FIG4: variants seen among roughly 807,000 people sequenced by gnomAD.
The protein encoded by FIG4 is FIG4 phosphoinositide 5-phosphatase.
A neutral mutation model predicts 118.6 loss-of-function variants in FIG4; 112 were observed. The ratio of observed to expected loss-of-function variants is 0.94; its 90% CI spans 0.81 to 1.11. The LOEUF (loss-of-function observed/expected upper bound fraction) is 1.11, where lower values mean the gene tolerates loss of function less well. Ranked by LOEUF, FIG4 falls within the 50% of genes least tolerant of loss-of-function variation. FIG4 has a pLI of 0.00. For synonymous variants in FIG4, 369 were observed against 381.2 expected, an observed-to-expected ratio of 0.97 and a Z score of 0.37; for missense variants, 969 against 1,111.7, an observed-to-expected ratio of 0.87 and a Z score of 1.83.
At chr6:109,703,905 G>A (rs949528718) in intron 1 of FIG4, among the ~76,000 whole-genome samples, 4 of 152,052 alleles carry the variant, frequency 2.6e-5, no homozygotes, top group African/African-American at 7.2e-5. Context: ...TTCCTTCTCC[G>A]TATCCAGCCT....
At position 109,777,020 on chromosome 6, in the gene FIG4, C is replaced by T. The variant is rs1777640978; in HGVS notation, c.1849C>T (p.His617Tyr). ...GGAGCTCCCAACAGATTTTTATTTG[C>T]ATCACAAAAATACCATGAGACTTTT... ...LWELPTDFYL[H>Y]HKNTMRLLPT... Residue 617 changes from histidine (H) to tyrosine (Y), a missense_variant, in exon 16 of 23, where the codon CAT becomes TAT. By Grantham distance (83) the His-to-Tyr change is moderately conservative. Transcript: ENST00000230124. The T allele has an allele frequency of 6.2e-7, 1 of 1,613,574 alleles. No homozygotes were observed. Among genetic ancestry groups the T allele is most frequent in the Admixed American group, 1.7e-5 (1 of 59,978 alleles).
chr6:109,793,457 C>T (rs17070969), intron 21 of FIG4, among the ~76,000 whole-genome samples: 8,709 of 152,186 alleles, frequency 0.057, 834 homozygotes, highest in African/African-American at 0.2. Context: ...TGCATAATTT[C>T]GTGTGTATGT....
intron 16 of FIG4, among the ~76,000 whole-genome samples, chr6:109,778,659 C>T (rs952104950): frequency 1.3e-5 from 2 of 151,890 alleles, no homozygotes; most frequent in South Asian, 2.1e-4. Flanking sequence ...AGTGCAGTGG[C>T]GCGATCTCAG....
intron 22 of FIG4, among the ~76,000 whole-genome samples, chr6:109,813,539 G>A (rs1423316491): frequency 6.6e-6 from 1 of 152,154 alleles, no homozygotes; most frequent in Non-Finnish European, 1.5e-5. Flanking sequence ...GTTGAAGAAT[G>A]CAGGCCAGTT....
At chr6:109,805,011 G>T (rs1328946501) in intron 22 of FIG4, among the ~76,000 whole-genome samples, 1 of 152,180 alleles carries the variant, frequency 6.6e-6, no homozygotes, top group Admixed American at 6.5e-5. Context: ...GAGATGCAAG[G>T]TTTAACAAAT....
At chr6:109,692,119 A>T (rs1277466615) in intron 1 of FIG4, among the ~76,000 whole-genome samples, 1 of 152,204 alleles carries the variant, frequency 6.6e-6, no homozygotes, top group Non-Finnish European at 1.5e-5. Context: ...TTGAATGGCC[A>T]TGTAAATAGT....
intron 5 of FIG4, among the ~76,000 whole-genome samples, chr6:109,732,989 C>T (rs2128385266): frequency 6.6e-6 from 1 of 152,082 alleles, no homozygotes; most frequent in East Asian, 1.9e-4. Context: ...ATGAAATTTA[C>T]ATTCAGCCTG....
Position 109,765,069 on chromosome 6 carries a change from G to C in FIG4, c.1491G>C (p.Gln497His). ...VDCLDRTNTA[Q>H]FMVGKCALAY... The stretch of plus-strand genomic sequence containing the variant: ...GTTTAGATCGCACCAACACAGCACA[G>C]TTTATGGTGGGAAAATGTGCTCTGG... The change falls in exon 14 of 23, where the codon CAG (glutamine) becomes CAC (histidine). Residue 497 changes from glutamine to histidine, a missense_variant. By Grantham distance (24) the Gln-to-His change is conservative (BLOSUM62 0). This residue lies in a region of FIG4 where 246 missense variants were observed against 354.3 expected (regional missense o/e 0.69). Coordinates refer to ENST00000230124, the MANE Select transcript of FIG4 (RefSeq NM_014845.6). The C allele has an allele frequency of 6.2e-7, 1 of 1,613,448 alleles. No individual in the cohort carries two copies. The highest frequency in any genetic ancestry group is 8.5e-7 in the Non-Finnish European group (1 of 1,179,398).
intron 21 of FIG4, among the ~76,000 whole-genome samples, chr6:109,794,043 A>T (rs1778210430): frequency 6.6e-6 from 1 of 152,162 alleles, no homozygotes; most frequent in South Asian, 2.1e-4. Flanking sequence ...GAGTAATATG[A>T]CTTTGTTTAT....
intron 10 of FIG4, among the ~76,000 whole-genome samples, chr6:109,746,373 A>C (rs1776498243): frequency 6.6e-6 from 1 of 152,152 alleles, no homozygotes; most frequent in African/African-American, 2.4e-5. Flanking sequence ...ATGGTGCAAC[A>C]AGAGTTTATA....
At chr6:109,703,173 G>A (rs1774956872) in intron 1 of FIG4, among the ~76,000 whole-genome samples, 2 of 151,972 alleles carry the variant, frequency 1.3e-5, no homozygotes, top group African/African-American at 4.8e-5. Context: ...AATAAATACT[G>A]AATTAAGGAT....
At chr6:109,791,349 T>G in intron 19 of FIG4, 27 bp from the exon 20 acceptor site, 1 of 1,595,586 alleles carries the variant, frequency 6.3e-7, no homozygotes. Flanking sequence ...TTAAAGATGC[T>G]TCACTTCCAT....
chr6:109,786,581 C>T, intron 18 of FIG4, 132 bp downstream of exon 18: 1 of 914,212 alleles, frequency 1.1e-6, no homozygotes, highest in Non-Finnish European at 1.8e-6. Flanking sequence ...CCTTTGAATA[C>T]CTCCTGTGAT....
chr6:109,766,111 G>A (rs1196847177), intron 14 of FIG4, among the ~76,000 whole-genome samples: 1 of 152,192 alleles, frequency 6.6e-6, no homozygotes, highest in East Asian at 1.9e-4. Context: ...GAGAGGAACC[G>A]TCATGACTGG....
chr6:109,817,690 C>G (rs1451721773), intron 22 of FIG4, among the ~76,000 whole-genome samples: 9 of 152,240 alleles, frequency 5.9e-5, no homozygotes, highest in South Asian at 2.1e-4. Context: ...GGCAGACTGT[C>G]CTTTCTCTCT....
At chr6:109,717,800 T>C (rs1775479756) in intron 3 of FIG4, among the ~76,000 whole-genome samples, 1 of 152,208 alleles carries the variant, frequency 6.6e-6, no homozygotes, top group Non-Finnish European at 1.5e-5. Flanking sequence ...TGCTTTGGGC[T>C]TTGAAAGCCA....
At chr6:109,786,260 A>C in intron 17 of FIG4, 42 bp from the exon 18 acceptor site, 1 of 1,568,094 alleles carries the variant, frequency 6.4e-7, no homozygotes, top group Non-Finnish European at 8.8e-7. Context: ...TTTGCTTGCT[A>C]TAATCTCAGA....
In FIG4 at chr6:109,715,193, C is replaced by G. The variant is rs1390100492; in HGVS notation, c.165+17C>G. 1.4e-6 allele frequency: 2 copies of G among 1,384,938 alleles called. No homozygotes were observed. Among genetic ancestry groups the G allele is most frequent in the Admixed American group, 1.7e-5 (1 of 59,580 alleles). 85.8% of individuals were successfully genotyped at this position (1,384,938 alleles called of 1,614,324 possible). On this transcript the variant is annotated intron_variant, in intron 2 of 22. Transcript: ENST00000230124. ...GATGACAGGGTAAGTATCCTCCAAA[C>G]CTGACTGCAAAAAAACTTTCATACC...
At chr6:109,753,352 A>G (rs2128389268) in intron 10 of FIG4, among the ~76,000 whole-genome samples, 1 of 151,960 alleles carries the variant, frequency 6.6e-6, no homozygotes, top group Admixed American at 6.6e-5. Flanking sequence ...GTAGCCTTGT[A>G]GTATAGTTTG....
Sources: gnomAD v4.1 joint callset for allele counts (sites outside exome capture counted in the v4.1 genomes callset) on GRCh38, gnomAD v4.1.1 for gene constraint, gnomAD v4.1.1 regional missense constraint, MANE v1.5 for transcripts, NCBI Gene and HGNC (gene_info 2026-07-23, HGNC 2026-07-21) for gene names.